Variants in RIC1 observed in about 807,000 individuals in gnomAD.
The protein encoded by RIC1 is guanine nucleotide exchange factor subunit RIC1.
In RIC1, 88 loss-of-function variants were observed where a neutral mutation model predicts 169.0. The ratio of observed to expected loss-of-function variants is 0.52; its 90% CI spans 0.44 to 0.62. RIC1 has a LOEUF of 0.62. Among genes scored for constraint, RIC1 ranks in the 20% least tolerant of loss-of-function variants. The probability of loss-of-function intolerance (pLI) is 0.00; values close to 1 mark genes in which losing one functional copy is unlikely to be tolerated. For synonymous variants in RIC1, 790 were observed against 601.5 expected (o/e 1.31, Z -4.59); for missense variants, 1,877 against 1,725.5 (o/e 1.09, Z -1.56).
At chr9:5,675,132 C>G (rs1185467872) in intron 2 of RIC1, among the ~76,000 whole-genome samples, 1 of 152,154 alleles carries the variant, frequency 6.6e-6, no homozygotes, top group East Asian at 1.9e-4. Context: ...GCTGCTGTGT[C>G]GTTCCCCTCT....
chr9:5,767,334 G>C (rs1041416773), intron 21 of RIC1, among the ~76,000 whole-genome samples: 1 of 152,184 alleles, frequency 6.6e-6, no homozygotes, highest in Non-Finnish European at 1.5e-5. Flanking sequence ...TGTCTTCTGA[G>C]AGATGACTAT....
rs188803895 is a variant in RIC1, at chr9:5,641,382, C to T, written c.144+11929C>T. On this transcript the variant is annotated intron_variant, in intron 1 of 25. Coordinates refer to ENST00000414202, the MANE Select transcript of RIC1 (RefSeq NM_020829.4). ...CTGGGATTACAGGCATGAGCCACCG[C>T]GCCCGGCCGCCATGAGGTACTCTTC... Among the ~76,000 whole-genome samples the T allele has an allele frequency of 2.4e-4, 36 of 152,172 alleles. No individual in the cohort carries two copies. The South Asian group carries it at 4.1e-3, about 18-fold the overall frequency.
rs1823704445 is a variant in RIC1, at chr9:5,722,974, T to G, written c.720+2224T>G. Among the ~76,000 whole-genome samples the G allele has an allele frequency of 2.6e-5, 4 of 152,260 alleles. No homozygotes were observed. In the South Asian group the frequency reaches 8.3e-4, roughly 31 times the overall value. On this transcript the variant is annotated intron_variant, in intron 6 of 25. Transcript: ENST00000414202. ...GTCTGTCATTGATGGACACTGGGCT[T>G]GGTACCAAGTCTTTGCTATTTGAAT... is the stretch of plus-strand genomic sequence containing the variant.
intron 2 of RIC1, among the ~76,000 whole-genome samples, chr9:5,681,987 C>A (rs868704806): frequency 6.6e-6 from 1 of 152,022 alleles, no homozygotes; most frequent in Non-Finnish European, 1.5e-5. Flanking sequence ...CAACCCCTGC[C>A]TTTTTTTGTT....
At chr9:5,711,714 A>G (rs1356418592) in intron 3 of RIC1, among the ~76,000 whole-genome samples, 2 of 152,056 alleles carry the variant, frequency 1.3e-5, no homozygotes, top group Admixed American at 6.5e-5. Flanking sequence ...TCCTAATGCT[A>G]TCCCTCCCTG....
chr9:5,725,037 G>T (rs1171716963), intron 6 of RIC1, among the ~76,000 whole-genome samples: 1 of 152,106 alleles, frequency 6.6e-6, no homozygotes, highest in African/African-American at 2.4e-5. Flanking sequence ...TTGTGTCTCT[G>T]CCAGGCTTTG....
At chr9:5,733,248 A>G (rs1003304367) in intron 7 of RIC1, among the ~76,000 whole-genome samples, 1 of 150,622 alleles carries the variant, frequency 6.6e-6, no homozygotes, top group Non-Finnish European at 1.5e-5. Flanking sequence ...TCACCACCCA[A>G]TTTAAGTATC....
intron 3 of RIC1, among the ~76,000 whole-genome samples, chr9:5,698,521 C>T (rs989674532): frequency 4.6e-5 from 7 of 152,160 alleles, no homozygotes; most frequent in Admixed American, 2.6e-4. Context: ...ATGGAAAATA[C>T]ATTAATAAAA....
chr9:5,748,882 T>C (rs776485142), intron 12 of RIC1, among the ~76,000 whole-genome samples: 30 of 152,242 alleles, frequency 2.0e-4, no homozygotes, highest in Non-Finnish European at 2.4e-4. Context: ...ATTCCACTGT[T>C]ATTCTGTTCT....
chr9:5,697,297 G>A (rs549047235), intron 3 of RIC1, among the ~76,000 whole-genome samples: 2 of 152,312 alleles, frequency 1.3e-5, no homozygotes, highest in South Asian at 2.1e-4. Flanking sequence ...AACCTTAAGA[G>A]GTTAGATGGT....
intron 1 of RIC1, among the ~76,000 whole-genome samples, chr9:5,646,215 G>A (rs61063962): frequency 0.014 from 2,068 of 152,180 alleles, 56 homozygotes; most frequent in African/African-American, 0.047. Context: ...TCATGTGTAT[G>A]CCTTCTTTGA....
intron 1 of RIC1, among the ~76,000 whole-genome samples, chr9:5,640,916 A>C (rs1450890990): frequency 6.6e-6 from 1 of 151,992 alleles, no homozygotes; most frequent in African/African-American, 2.4e-5. Context: ...CACTTTCAAC[A>C]TATTGTGCCA....
At chr9:5,743,074 T>G in intron 9 of RIC1, 61 bp downstream of exon 9, 4 of 1,467,898 alleles carry the variant, frequency 2.7e-6, no homozygotes, top group South Asian at 1.3e-5. Context: ...AATGCATGCA[T>G]ACAAAAACCT....
chr9:5,635,897 G>A (rs927114109), intron 1 of RIC1, among the ~76,000 whole-genome samples: 4 of 152,164 alleles, frequency 2.6e-5, no homozygotes, highest in Admixed American at 1.3e-4. Context: ...AGCCATTATG[G>A]AACTGAATCT....
At position 5,751,635 on chromosome 9, in the gene RIC1, A is replaced by G. The variant is rs184012586; in HGVS notation, c.1453-1565A>G. On this transcript the variant is annotated intron_variant, in intron 12 of 25. Coordinates refer to ENST00000414202, the MANE Select transcript of RIC1 (RefSeq NM_020829.4). The stretch of plus-strand genomic sequence containing the variant: ...CTCCCAAAGTGCTGGGATTACAGGC[A>G]TGAGCCACGGTGCCTGGCCCATAGT... Among the ~76,000 whole-genome samples the G allele has an allele frequency of 7.7e-4, 118 of 152,306 alleles. 1 individual carries two copies. Among genetic ancestry groups the G allele is most frequent in the Admixed American group, 5.9e-3 (90 of 15,298 alleles).
intron 2 of RIC1, among the ~76,000 whole-genome samples, chr9:5,680,439 T>C (rs1820747018): frequency 6.6e-6 from 1 of 152,216 alleles, no homozygotes; most frequent in East Asian, 1.9e-4. Flanking sequence ...CTTGTACCTC[T>C]GGTAGAATTC....
chr9:5,679,039 A>T (rs1411733163), intron 2 of RIC1, among the ~76,000 whole-genome samples: 1 of 152,046 alleles, frequency 6.6e-6, no homozygotes, highest in Non-Finnish European at 1.5e-5. Context: ...TAAGGAAGGG[A>T]TCCAGTTTCA....
rs1472104946 is a variant in RIC1 at position 5,733,366 on chromosome 9, C to G, written c.812+887C>G. Among the ~76,000 whole-genome samples the G allele has an allele frequency of 2.0e-5, 3 of 151,512 alleles. No homozygotes were observed. In the South Asian group the frequency reaches 6.3e-4, roughly 32 times the overall value. On this transcript the variant is annotated intron_variant, in intron 7 of 25. Transcript: ENST00000414202. ...GCAAGCTCCGTCTCCTGGGTTCACGCCATTCTCCTGCCTCAGCCTCCCGAG... is the reference window on the plus strand; with the variant it reads ...GCAAGCTCCGTCTCCTGGGTTCACGGCATTCTCCTGCCTCAGCCTCCCGAG...
At chr9:5,684,391 C>G (rs1281618698) in intron 2 of RIC1, among the ~76,000 whole-genome samples, 1 of 148,036 alleles carries the variant, frequency 6.8e-6, no homozygotes, top group Non-Finnish European at 1.5e-5. Context: ...GAGTTGCTAT[C>G]TTAGCAATAT....
Sources: allele counts gnomAD v4.1 joint callset (sites outside exome capture counted in the v4.1 genomes callset), GRCh38; gene constraint gnomAD v4.1.1; transcripts MANE v1.5; gene names NCBI Gene and HGNC (gene_info 2026-07-23, HGNC 2026-07-21).